Variants in TAB2 observed in about 807,000 individuals in gnomAD.
TAB2 encodes TGF-beta activated kinase 1 (MAP3K7) binding protein 2.
A neutral mutation model predicts 65.0 loss-of-function variants in TAB2; 3 were observed. The observed-to-expected ratio is 0.05, with a 90% CI of 0.02 to 0.12. The LOEUF is 0.12. TAB2 is among the 10% of genes least tolerant of loss of function. The pLI is 1.00. For missense variants in TAB2, 623 were observed against 840.3 expected, an observed-to-expected ratio of 0.74 and a Z score of 3.20; for synonymous variants, 298 against 285.1, an observed-to-expected ratio of 1.05 and a Z score of -0.46.
intron 1 of TAB2, among the ~76,000 whole-genome samples, chr6:149,357,104 A>G (rs920975895): frequency 4.6e-5 from 7 of 152,120 alleles, no homozygotes; most frequent in African/African-American, 1.7e-4. Flanking sequence ...TTTACTTTTT[A>G]AAAGTAGTGT....
intron 1 of TAB2, among the ~76,000 whole-genome samples, chr6:149,297,021 T>C (rs974522563): frequency 6.6e-6 from 1 of 152,186 alleles, no homozygotes; most frequent in African/African-American, 2.4e-5. Context: ...CACTAATTGG[T>C]AAAATTTCCA....
intron 1 of TAB2, among the ~76,000 whole-genome samples, chr6:149,307,462 G>A (rs936726820): frequency 6.6e-6 from 1 of 152,196 alleles, no homozygotes; most frequent in African/African-American, 2.4e-5. Context: ...CTGCCAAGGA[G>A]CCGATTTCAC....
upstream of TAB2, chr6:149,317,591 C>A (rs1226537617): frequency 6.8e-6 from 1 of 146,232 alleles, no homozygotes; most frequent in African/African-American, 2.6e-5. The surrounding 1 kb of genome is among the most constrained non-coding windows in gnomAD (Gnocchi z 4.7). Context: ...GCGGCGAGAG[C>A]GAGCGAGAGC....
intron 1 of TAB2, chr6:149,347,369 T>C (rs141426002): frequency 1.8e-3 from 278 of 152,370 alleles, no homozygotes; most frequent in Middle Eastern, 0.01. Context: ...ATTATTATGC[T>C]ACTTTATTAA....
At chr6:149,361,719 T>C (rs1443847212) in intron 1 of TAB2, among the ~76,000 whole-genome samples, 2 of 152,232 alleles carry the variant, frequency 1.3e-5, no homozygotes, top group South Asian at 2.1e-4. Context: ...TTCCAAACTT[T>C]TATAGTTCTA....
intron 1 of TAB2, among the ~76,000 whole-genome samples, chr6:149,358,471 C>T (rs1780740803): frequency 6.6e-6 from 1 of 152,028 alleles, no homozygotes; most frequent in African/African-American, 2.4e-5. Flanking sequence ...TTCTGTCTTC[C>T]GGCATCTACT....
intron 1 of TAB2, among the ~76,000 whole-genome samples, chr6:149,295,277 A>G (rs1778854482): frequency 6.6e-6 from 1 of 151,896 alleles, no homozygotes; most frequent in South Asian, 2.1e-4. Context: ...CTGTACTAAG[A>G]CTTCTTTTGT....
intron 1 of TAB2, among the ~76,000 whole-genome samples, chr6:149,277,254 G>T (rs1014572424): frequency 1.3e-5 from 2 of 152,150 alleles, no homozygotes; most frequent in African/African-American, 4.8e-5. Context: ...TTGCAGTTTT[G>T]TGTGTAATAG....
chr6:149,259,526 T>C (rs1029097464), intron 1 of TAB2, among the ~76,000 whole-genome samples: 5 of 152,158 alleles, frequency 3.3e-5, no homozygotes, highest in South Asian at 4.1e-4. Flanking sequence ...TTTAAATACA[T>C]TGAAACAAGA....
At chr6:149,365,124 T>C (rs17085867) in intron 1 of TAB2, among the ~76,000 whole-genome samples, 2,499 of 152,300 alleles carry the variant, frequency 0.016, 75 homozygotes, top group African/African-American at 0.057. Context: ...TTATACCTAT[T>C]GCTGCAAACA....
chr6:149,235,102 TC>T (rs1777472485), intron 1 of TAB2, among the ~76,000 whole-genome samples: 1 of 152,248 alleles, frequency 6.6e-6, no homozygotes, highest in Non-Finnish European at 1.5e-5. Flanking sequence ...TGCCACTCAA[TC>T]TGAGTTCAGA....
chr6:149,363,693 T>C (rs1398998730), intron 1 of TAB2, among the ~76,000 whole-genome samples: 2 of 152,174 alleles, frequency 1.3e-5, no homozygotes, highest in African/African-American at 4.8e-5. Context: ...ATTTAAATTA[T>C]ATGGTAGGAT....
chr6:149,314,742 TG>T (rs1779220839), upstream of TAB2, among the ~76,000 whole-genome samples: 1 of 152,226 alleles, frequency 6.6e-6, no homozygotes, highest in Admixed American at 6.5e-5. Context: ...CTAGTGCAAC[TG>T]GAAGTCTGAA....
upstream of TAB2, among the ~76,000 whole-genome samples, chr6:149,317,062 C>CCCGGGCCCCCGGACCCT (rs1779273283): frequency 2.7e-5 from 4 of 150,168 alleles, no homozygotes; most frequent in African/African-American, 7.3e-5. The surrounding 1 kb of genome is among the most constrained non-coding windows in gnomAD (Gnocchi z 4.7). Context: ...CCCCGGACCC[C>CCCGGGCCCCCGGACCCT]ACCCGCGCGG....
intron 1 of TAB2, among the ~76,000 whole-genome samples, chr6:149,297,224 C>T (rs1446246339): frequency 6.6e-6 from 1 of 152,160 alleles, no homozygotes; most frequent in Admixed American, 6.5e-5. Context: ...CGTTCTTCTA[C>T]ACCCACAATA....
At chr6:149,400,296 A>T in intron 6 of TAB2, 1 of 1,389,060 alleles carries the variant, frequency 7.2e-7, no homozygotes, top group Non-Finnish European at 9.8e-7. Flanking sequence ...CACCGCTGTC[A>T]CCTCCTGCTG....
At chr6:149,390,933 A>G (rs1472570376) in intron 3 of TAB2, among the ~76,000 whole-genome samples, 1 of 152,144 alleles carries the variant, frequency 6.6e-6, no homozygotes, top group Admixed American at 6.5e-5. Context: ...AGCATCTCCA[A>G]GATACCATCT....
chr6:149,399,239 A>G, intron 6 of TAB2, 55 bp downstream of exon 6: 1 of 1,490,322 alleles, frequency 6.7e-7, no homozygotes, highest in Non-Finnish European at 9.3e-7. Context: ...AAAATTTTAG[A>G]AAATTTTTCC....
intron 1 of TAB2, among the ~76,000 whole-genome samples, chr6:149,331,270 G>A (rs547651062): frequency 2.2e-4 from 34 of 152,002 alleles, no homozygotes; most frequent in Non-Finnish European, 3.2e-4. Context: ...TAAAAATCCC[G>A]TGCATGTTTT....
Sources: gnomAD v4.1 joint callset for allele counts (sites outside exome capture counted in the v4.1 genomes callset) on GRCh38, gnomAD v4.1.1 for gene constraint, Gnocchi (gnomAD v3.1) non-coding constraint, MANE v1.5 for transcripts, NCBI Gene and HGNC (gene_info 2026-07-23, HGNC 2026-07-21) for gene names.